INSL6: variants seen among roughly 807,000 people sequenced by gnomAD.
INSL6 encodes the protein insulin like 6.
In INSL6, 16 loss-of-function variants were observed where a neutral mutation model predicts 9.4. That is an observed-to-expected ratio of 1.70 (90% CI 1.15 to 2.59). The LOEUF (loss-of-function observed/expected upper bound fraction) is 2.59, where lower values mean the gene tolerates loss of function less well. INSL6 is among the 30% of genes most tolerant of loss of function. The pLI is 0.00. For synonymous variants in INSL6, 154 were observed against 96.9 expected, an observed-to-expected ratio of 1.59 and a Z score of -3.46; for missense variants, 391 against 257.3, an observed-to-expected ratio of 1.52 and a Z score of -3.56.
At chr9:5,165,804 G>A (rs1340680589) in intron 1 of INSL6, among the ~76,000 whole-genome samples, 4 of 152,172 alleles carry the variant, frequency 2.6e-5, no homozygotes, top group Non-Finnish European at 5.9e-5. Context: ...ATTATTTGAA[G>A]ACTTATTGTA....
the INSL6 span, among the ~76,000 whole-genome samples, chr9:5,032,190 G>C: frequency 6.6e-6 from 1 of 152,222 alleles, no homozygotes; most frequent in African/African-American, 2.4e-5. Flanking sequence ...AGGTGGCAGC[G>C]AGGCTGGGGG....
chr9:5,126,787 G>A (rs779902555), intron 3 of INSL6: 1 of 1,594,266 alleles, frequency 6.3e-7, no homozygotes, highest in Non-Finnish European at 8.6e-7. Flanking sequence ...AACATGGCTG[G>A]ATGAAAGAAA....
rs553161643 is a variant in INSL6, at chr9:5,178,499, CAG to C, written c.289+6813_289+6814del. On this transcript the variant is annotated intron_variant, in intron 1 of 1. Coordinates refer to ENST00000381641, the MANE Select transcript of INSL6 (RefSeq NM_007179.3). ...ATGTGGAGGCTTCAGCCACTCCAGCCAGAGTTATACAGACAGAGCTCTGATCT... is the reference window on the plus strand; with the variant it reads ...ATGTGGAGGCTTCAGCCACTCCAGCCAGTTATACAGACAGAGCTCTGATCT... 1.5e-3 allele frequency among the ~76,000 whole-genome samples: 235 copies of C among 152,034 alleles called. 3 individuals carry two copies. The highest frequency in any genetic ancestry group is 2.0e-3 in the Non-Finnish European group (134 of 67,800).
intron 2 of INSL6, among the ~76,000 whole-genome samples, chr9:5,140,311 C>T (rs1262370517): frequency 6.6e-6 from 1 of 152,034 alleles, no homozygotes; most frequent in Non-Finnish European, 1.5e-5. Flanking sequence ...CAAAAAGCAG[C>T]CACCATCCCT....
intron 2 of INSL6, among the ~76,000 whole-genome samples, chr9:5,148,125 CA>C (rs1466727190): frequency 6.6e-6 from 1 of 152,088 alleles, no homozygotes; most frequent in Non-Finnish European, 1.5e-5. Context: ...TTTTAATTGT[CA>C]GAGTTTTTAT....
intron 1 of INSL6, among the ~76,000 whole-genome samples, chr9:5,180,553 C>T (rs1478895217): frequency 4.6e-5 from 7 of 152,038 alleles, no homozygotes; most frequent in Non-Finnish European, 5.9e-5. Flanking sequence ...ACAGCCGCTT[C>T]GGGAATGTCT....
At position 5,130,710 on chromosome 9, in the gene INSL6, A is replaced by C. The variant is rs12349735; in HGVS notation, c.*10+2715T>G. 4.1e-3 allele frequency among the ~76,000 whole-genome samples: 604 copies of C among 147,750 alleles called. 4 individuals are homozygous for C. Among genetic ancestry groups the C allele is most frequent in the African/African-American group, 0.012 (444 of 38,568 alleles). The stretch of plus-strand genomic sequence containing the variant: ...TCAGAGTATGAATTTTCTTTTTTTT[A>C]TTTTTTTTATTTTTTATTTTTTTTT... On this transcript the variant is annotated intron_variant, in intron 3 of 3. Transcript: ENST00000649639.
At chr9:5,176,125 A>G (rs1311377457) in intron 1 of INSL6, among the ~76,000 whole-genome samples, 1 of 152,100 alleles carries the variant, frequency 6.6e-6, no homozygotes, top group Admixed American at 6.5e-5. Flanking sequence ...CTCTGCTCCA[A>G]CCACATTTGG....
intron 1 of INSL6, among the ~76,000 whole-genome samples, chr9:5,173,671 C>T (rs1825234287): frequency 6.6e-6 from 1 of 151,950 alleles, no homozygotes; most frequent in African/African-American, 2.4e-5. Flanking sequence ...GAGCTTAATG[C>T]CTAGGTGATG....
chr9:5,022,495 C>G, the INSL6 span, among the ~76,000 whole-genome samples: 1 of 152,098 alleles, frequency 6.6e-6, no homozygotes, highest in Non-Finnish European at 1.5e-5. Context: ...CATGGGCTAT[C>G]TCATGACATA....
intron 2 of INSL6, among the ~76,000 whole-genome samples, chr9:5,151,549 G>C (rs1172390097): frequency 1.3e-5 from 2 of 152,048 alleles, no homozygotes; most frequent in African/African-American, 2.4e-5. Context: ...CTATTGTAAA[G>C]GTCTTAAACT....
At chr9:5,007,217 T>C in the INSL6 span, among the ~76,000 whole-genome samples, 597 of 152,282 alleles carry the variant, frequency 3.9e-3, 3 homozygotes, top group Non-Finnish European at 6.1e-3. Context: ...GTTCAGCCTT[T>C]CTTCTCGTCT....
intron 1 of INSL6, among the ~76,000 whole-genome samples, chr9:5,178,149 C>A (rs1385492488): frequency 6.6e-6 from 1 of 152,166 alleles, no homozygotes; most frequent in Non-Finnish European, 1.5e-5. Flanking sequence ...TGCCAGGATT[C>A]CAGGCATGAG....
intron 2 of INSL6, among the ~76,000 whole-genome samples, chr9:5,140,184 G>C (rs1358147933): frequency 6.6e-6 from 1 of 152,040 alleles, no homozygotes; most frequent in African/African-American, 2.4e-5. Context: ...TATTAACCTA[G>C]AATCAATACT....
At chr9:5,013,473 A>T in the INSL6 span, among the ~76,000 whole-genome samples, 1 of 152,222 alleles carries the variant, frequency 6.6e-6, no homozygotes, top group Non-Finnish European at 1.5e-5. Flanking sequence ...TCTTCTTCAG[A>T]CCACTCCATT....
the INSL6 span, among the ~76,000 whole-genome samples, chr9:4,996,451 A>T: frequency 1.1e-4 from 16 of 152,222 alleles, no homozygotes; most frequent in Non-Finnish European, 2.1e-4. Context: ...TCTGTCTCAA[A>T]AAATAAATAA....
chr9:4,991,982 A>C, the INSL6 span, among the ~76,000 whole-genome samples: 1 of 152,100 alleles, frequency 6.6e-6, no homozygotes, highest in East Asian at 1.9e-4. Context: ...AAACTTAGTG[A>C]TTTAAAACAA....
chr9:5,124,226 T>A (rs1823829222), exon 4 of INSL6, among the ~76,000 whole-genome samples: 1 of 151,966 alleles, frequency 6.6e-6, no homozygotes, highest in African/African-American at 2.4e-5. Flanking sequence ...AAGTCTCATT[T>A]GTCTATTTTT....
chr9:5,069,527 A>G, the INSL6 span, among the ~76,000 whole-genome samples: 1 of 152,142 alleles, frequency 6.6e-6, no homozygotes, highest in African/African-American at 2.4e-5. Flanking sequence ...TACTTCGAGG[A>G]TTTTAATTTC....
Sources: allele counts gnomAD v4.1 joint callset (sites outside exome capture counted in the v4.1 genomes callset), GRCh38; gene constraint gnomAD v4.1.1; transcripts MANE v1.5; gene names NCBI Gene and HGNC (gene_info 2026-07-23, HGNC 2026-07-21).